The following SLC37A1 variants were observed in gnomAD, a reference collection of about 807,000 sequenced individuals.
SLC37A1 encodes the protein solute carrier family 37 member 1, also known as glucose-6-phosphate exchanger SLC37A1.
Under a neutral mutation model 75.3 loss-of-function variants are expected in SLC37A1, and 49 were observed. That is an observed-to-expected ratio of 0.65 (90% CI 0.52 to 0.83). The LOEUF is 0.83. Ranked by LOEUF, SLC37A1 falls within the 40% of genes least tolerant of loss-of-function variation. SLC37A1 has a pLI of 0.00. For synonymous variants in SLC37A1, 268 were observed against 292.1 expected (o/e 0.92, Z 0.84); for missense variants, 566 against 695.0 (o/e 0.81, Z 2.09).
chr21:42,531,096 G>A (rs190157239), intron 3 of SLC37A1, among the ~76,000 whole-genome samples: 169 of 152,302 alleles, frequency 1.1e-3, no homozygotes, highest in African/African-American at 3.6e-3. Context: ...ATTTCCTCTC[G>A]CTGCCAGTGG....
Position 42,518,368 on chromosome 21 carries a change from A to C in SLC37A1, c.-87A>C. ...AGCCTGTGGGAGCGGCAGGGGCAACAGAGAGAGGATCTGGAGCCAGGATTA... is the reference window on the plus strand; with the variant it reads ...AGCCTGTGGGAGCGGCAGGGGCAACCGAGAGAGGATCTGGAGCCAGGATTA... On this transcript the variant is annotated 5_prime_UTR_variant, in exon 2 of 20. Coordinates refer to ENST00000352133, the MANE Select transcript of SLC37A1 (RefSeq NM_001320537.2). 1.3e-6 allele frequency: 2 copies of C among 1,557,706 alleles called. No individual in the cohort carries two copies. Among genetic ancestry groups the C allele is most frequent in the South Asian group, 2.2e-5 (2 of 89,748 alleles).
chr21:42,539,753 GTGCGTC>G, intron 6 of SLC37A1, 106 bp downstream of exon 6: 1 of 1,171,616 alleles, frequency 8.5e-7, no homozygotes, highest in Non-Finnish European at 1.2e-6. Flanking sequence ...AGGGGCAGAA[GTGCGTC>G]CTGTCGGAAG....
At chr21:42,500,630 C>T (rs1322022797) in intron 1 of SLC37A1, among the ~76,000 whole-genome samples, 3 of 152,052 alleles carry the variant, frequency 2.0e-5, no homozygotes, top group African/African-American at 4.8e-5. Context: ...CGTTTTCAGT[C>T]GTGTTTTTTT....
chr21:42,539,593 C>G lies in SLC37A1; in HGVS notation c.432C>G (p.Phe144Leu). ...CCAGCGGAGCCTTCACCGCCCTGTT[C>G]GGCTTAGGGTATTTCTACAACATCC... ...MLASGAFTALFGLGYFYNIHS... is the reference protein window; with the variant it reads ...MLASGAFTALLGLGYFYNIHS... The change falls in exon 6 of 20, where the codon TTC (phenylalanine) becomes TTG (leucine). Residue 144 changes from phenylalanine to leucine, a missense_variant. By Grantham distance (22) the Phe-to-Leu change is conservative (BLOSUM62 0). Coordinates refer to ENST00000352133, the MANE Select transcript of SLC37A1 (RefSeq NM_001320537.2). The G allele has an allele frequency of 1.2e-6, 2 of 1,614,000 alleles. No homozygotes were observed. The highest frequency in any genetic ancestry group is 1.7e-6 in the Non-Finnish European group (2 of 1,179,958).
At chr21:42,521,596 A>G (rs1355746830) in intron 2 of SLC37A1, among the ~76,000 whole-genome samples, 1 of 152,238 alleles carries the variant, frequency 6.6e-6, no homozygotes, top group Non-Finnish European at 1.5e-5. Flanking sequence ...GTGGTCTTCC[A>G]GAACATCTCT....
chr21:42,547,195 T>TC lies in SLC37A1; in HGVS notation c.768+59dup, dbSNP rs1485906287. On this transcript the variant is annotated intron_variant, in intron 9 of 19. Transcript: ENST00000352133. This position sits in a 1 kb window ranked among gnomAD's most constrained non-coding sequence, Gnocchi z 6.1. ...AGAACAGTGTGCGGTTCTGACCACT[T>TC]CCCCAGCCTGCTCCTGCCTGTGCGG... 3 of 1,594,502 alleles carry TC rather than the reference T, an allele frequency of 1.9e-6. No individual in the cohort carries two copies. The highest frequency in any genetic ancestry group is 1.3e-5 in the African/African-American group (1 of 74,434).
At chr21:42,566,112 G>A (rs1433601842) in intron 15 of SLC37A1, among the ~76,000 whole-genome samples, 1 of 152,232 alleles carries the variant, frequency 6.6e-6, no homozygotes, top group Non-Finnish European at 1.5e-5. Flanking sequence ...AAGTGTGCAA[G>A]CCTGGTCTGG....
At chr21:42,525,346 G>A (rs2054760145) in intron 2 of SLC37A1, among the ~76,000 whole-genome samples, 1 of 152,374 alleles carries the variant, frequency 6.6e-6, no homozygotes, top group East Asian at 1.9e-4. Context: ...TGTTGCCATT[G>A]GCATGTGAAG....
At chr21:42,546,671 A>G (rs539945353) in intron 8 of SLC37A1, among the ~76,000 whole-genome samples, 1 of 152,300 alleles carries the variant, frequency 6.6e-6, no homozygotes, top group African/African-American at 2.4e-5. Flanking sequence ...GTGACTGGGG[A>G]CAGGCCGGGG....
intron 2 of SLC37A1, among the ~76,000 whole-genome samples, chr21:42,523,107 T>C (rs1266265698): frequency 6.6e-6 from 1 of 152,222 alleles, no homozygotes; most frequent in Admixed American, 6.5e-5. Flanking sequence ...CCACAGCCCA[T>C]AGGACAGAGC....
At chr21:42,534,970 C>A in intron 4 of SLC37A1, 140 bp downstream of exon 4, 1 of 1,198,804 alleles carries the variant, frequency 8.3e-7, no homozygotes, top group Non-Finnish European at 1.1e-6. Context: ...AAGCACATGA[C>A]TTCACCGCCA....
At chr21:42,549,336 C>T (rs1368571675) in intron 9 of SLC37A1, among the ~76,000 whole-genome samples, 7 of 152,148 alleles carry the variant, frequency 4.6e-5, no homozygotes, top group East Asian at 3.9e-4. Context: ...CTCATCTAGG[C>T]GAGAGGCATT....
At chr21:42,522,192 C>T (rs975614224) in intron 2 of SLC37A1, among the ~76,000 whole-genome samples, 6 of 152,194 alleles carry the variant, frequency 3.9e-5, no homozygotes, top group African/African-American at 1.4e-4. Context: ...GTCTACATGA[C>T]CCTATTTCCA....
chr21:42,503,426 T>C lies in SLC37A1; in HGVS notation c.-179+1009T>C, dbSNP rs1039101525. On this transcript the variant is annotated intron_variant, in intron 2 of 20. Coordinates refer to the SLC37A1 transcript ENST00000398341. Reference sequence around the variant, plus strand: ...CACCACACCTGGCTGATTTTTTGTATTTTTTTTGTAGAGACAGGGTTTTGC... The same window carrying C: ...CACCACACCTGGCTGATTTTTTGTACTTTTTTTGTAGAGACAGGGTTTTGC... Among the ~76,000 whole-genome samples, 4 of 133,972 alleles carry C rather than the reference T, an allele frequency of 3.0e-5. 1 individual carries two copies. Among genetic ancestry groups the C allele is most frequent in the Middle Eastern group, 7.3e-3 (2 of 274 alleles). 87.9% of individuals were successfully genotyped at this position (133,972 alleles called of 152,430 possible).
At chr21:42,529,988 A>C (rs1286805472) in intron 3 of SLC37A1, among the ~76,000 whole-genome samples, 1 of 152,222 alleles carries the variant, frequency 6.6e-6, no homozygotes, top group African/African-American at 2.4e-5. Flanking sequence ...CTTACTTAGG[A>C]ATATCTTCAT....
intron 2 of SLC37A1, among the ~76,000 whole-genome samples, chr21:42,505,032 C>T (rs1041210862): frequency 2.6e-5 from 4 of 152,208 alleles, no homozygotes; most frequent in Admixed American, 2.6e-4. Context: ...AGGACACCAT[C>T]ATTTTCTGCC....
Position 42,579,809 on chromosome 21 carries a change from C to T in SLC37A1, c.1586+9C>T, listed in dbSNP as rs978946005. 1 of 1,613,808 alleles carries T rather than the reference C, an allele frequency of 6.2e-7. No homozygotes were observed. Among genetic ancestry groups the T allele is most frequent in the African/African-American group, 1.3e-5 (1 of 74,934 alleles). The stretch of plus-strand genomic sequence containing the variant: ...ACGGGGGACCAAGTTCCGTAAGTCC[C>T]ACTCGGGCCCTGTCTCCGTGCGTGA... On this transcript the variant is annotated intron_variant, in intron 19 of 19. Coordinates refer to ENST00000352133, the MANE Select transcript of SLC37A1 (RefSeq NM_001320537.2).
chr21:42,501,665 T>C (rs2054343262), intron 1 of SLC37A1, among the ~76,000 whole-genome samples: 1 of 152,198 alleles, frequency 6.6e-6, no homozygotes, highest in African/African-American at 2.4e-5. Context: ...TGAGCCGAGA[T>C]TGCACCATTG....
intron 3 of SLC37A1, among the ~76,000 whole-genome samples, chr21:42,528,754 G>A (rs140308245): frequency 0.076 from 11,556 of 152,214 alleles, 468 homozygotes; most frequent in Middle Eastern, 0.11. Context: ...GCTTGAATCC[G>A]GGAGGCGAAG....
Sources: gnomAD v4.1 joint callset for allele counts (sites outside exome capture counted in the v4.1 genomes callset) on GRCh38, gnomAD v4.1.1 for gene constraint, Gnocchi (gnomAD v3.1) non-coding constraint, MANE v1.5 for transcripts, NCBI Gene and HGNC (gene_info 2026-07-23, HGNC 2026-07-21) for gene names.